Variants in NRAS observed in about 807,000 individuals in gnomAD.
NRAS encodes the protein GTPase NRas.
A neutral mutation model predicts 21.3 loss-of-function variants in NRAS; 6 were observed. The ratio of observed to expected loss-of-function variants is 0.28; its 90% CI spans 0.15 to 0.56. The LOEUF is 0.56. NRAS is among the 20% of genes least tolerant of loss of function. The pLI is 0.93. For missense variants in NRAS, 143 were observed against 231.3 expected (o/e 0.62, Z 2.48); for synonymous variants, 84 against 82.0 (o/e 1.02, Z -0.13).
At position 114,712,943 on chromosome 1, in the gene NRAS, G is replaced by A. The variant is rs9724631; in HGVS notation, c.290+857C>T. On this transcript the variant is annotated intron_variant, in intron 3 of 6. Coordinates refer to ENST00000369535, the MANE Select transcript of NRAS (RefSeq NM_002524.5). The stretch of plus-strand genomic sequence containing the variant: ...TTAAGAACACTGTGCTAAGAAAAAG[G>A]AGCTTTGGGTTTTTGGTCCTGGCTC... Among the ~76,000 whole-genome samples the A allele has an allele frequency of 9.1e-4, 138 of 152,282 alleles. 2 individuals are homozygous for A. In the East Asian group the frequency reaches 0.025, roughly 28 times the overall value.
chr1:114,715,021 T>C (rs1659124354), intron 2 of NRAS, among the ~76,000 whole-genome samples: 1 of 152,186 alleles, frequency 6.6e-6, no homozygotes, highest in African/African-American at 2.4e-5. Context: ...AAACCCTTTA[T>C]TTATTTATCT....
intron 4 of NRAS, among the ~76,000 whole-genome samples, chr1:114,709,179 G>A (rs1259805868): frequency 6.6e-6 from 1 of 152,206 alleles, no homozygotes; most frequent in Non-Finnish European, 1.5e-5. Flanking sequence ...GCTCACACCT[G>A]TAATCCCAGC....
At chr1:114,712,159 G>A (rs934436884) in intron 3 of NRAS, among the ~76,000 whole-genome samples, 1 of 152,144 alleles carries the variant, frequency 6.6e-6, no homozygotes, top group Non-Finnish European at 1.5e-5. Context: ...CCTCTTTGAG[G>A]ATCCATGGGA....
At chr1:114,712,947 T>C (rs1659077723) in intron 3 of NRAS, among the ~76,000 whole-genome samples, 1 of 152,216 alleles carries the variant, frequency 6.6e-6, no homozygotes, top group South Asian at 2.1e-4. Flanking sequence ...AAAAAGGAGC[T>C]TTGGGTTTTT....
intron 3 of NRAS, among the ~76,000 whole-genome samples, chr1:114,712,110 G>C: frequency 6.6e-6 from 1 of 152,266 alleles, no homozygotes; most frequent in Non-Finnish European, 1.5e-5. Context: ...CCTGGACCAT[G>C]TCACTGTCAG....
rs1658951939 is a variant in NRAS, at chr1:114,707,863, T to G, written c.*231A>C. On this transcript the variant is annotated 3_prime_UTR_variant, in exon 7 of 7. Coordinates refer to ENST00000369535, the MANE Select transcript of NRAS (RefSeq NM_002524.5). ...CCCAGGGCAGAAAAATAACAGGGAG[T>G]AACAAGAGGTGCATTCTCTGGTCAG... 1 of 152,566 alleles carries G rather than the reference T, an allele frequency of 6.6e-6. No homozygotes were observed. Among genetic ancestry groups the G allele is most frequent in the Non-Finnish European group, 1.5e-5 (1 of 68,194 alleles). The allele number at this position is 152,566 out of a possible 1,614,324, so 9.5% of individuals were successfully genotyped here. A position where few individuals can be genotyped will look rare whatever the true frequency, so the allele number is the denominator to read the frequency against.
At chr1:114,712,883 C>A (rs9724632) in intron 3 of NRAS, among the ~76,000 whole-genome samples, 115 of 152,332 alleles carry the variant, frequency 7.5e-4, no homozygotes, top group Admixed American at 6.4e-3. Flanking sequence ...TCAATCCAGG[C>A]AGAGTTCTCA....
chr1:114,708,584 C>G lies in NRAS; in HGVS notation c.521G>C (p.Ser174Thr). ...CATACAACCCTGAGTCCCATCATCA[C>G]TGCTGTTGAGTTTTTTCATTCGGTA... ...RQYRMKKLNSSDDGTQGCMGL... is the reference protein window; with the variant it reads ...RQYRMKKLNSTDDGTQGCMGL... Residue 174 changes from serine (S) to threonine (T), a missense_variant, in exon 5 of 7, where the codon AGT (serine) becomes ACT (threonine). Transcript: ENST00000369535. 6.2e-7 allele frequency: 1 copy of G among 1,613,424 alleles called. No individual in the cohort carries two copies. Among genetic ancestry groups the G allele is most frequent in the Non-Finnish European group, 8.5e-7 (1 of 1,179,350 alleles).
chr1:114,710,619 T>C (rs1366195070), intron 3 of NRAS, among the ~76,000 whole-genome samples: 4 of 151,952 alleles, frequency 2.6e-5, no homozygotes, highest in African/African-American at 9.7e-5. Context: ...AAGGAATAAA[T>C]GGCTAGGGCA....
In NRAS at chr1:114,707,273, A is replaced by G. The variant is rs1658938982; in HGVS notation, c.*821T>C. On this transcript the variant is annotated 3_prime_UTR_variant, in exon 7 of 7. Transcript: ENST00000369535. ...GGAAAGCCCCAAAACAGGCCTCTGG[A>G]AAACCAATTTCATACATGTACAAAA... is the stretch of plus-strand genomic sequence containing the variant. The G allele has an allele frequency of 6.6e-6, 1 of 152,552 alleles. No individual in the cohort carries two copies. The highest frequency in any genetic ancestry group is 2.4e-5 in the African/African-American group (1 of 41,470). 9.4% of individuals were successfully genotyped at this position (152,552 alleles called of 1,614,324 possible).
rs932206530 is a variant in NRAS, at chr1:114,707,531, G to C, written c.*563C>G. 6.6e-6 allele frequency: 1 copy of C among 152,590 alleles called. No homozygotes were observed. The highest frequency in any genetic ancestry group is 2.4e-5 in the African/African-American group (1 of 41,426). 9.5% of individuals were successfully genotyped at this position (152,590 alleles called of 1,614,324 possible). On this transcript the variant is annotated 3_prime_UTR_variant, in exon 7 of 7. Transcript: ENST00000369535. ...GACTCAAAATTCAGTATTCATTTTT[G>C]TATTTATGAATCTAGAGCAGATGCC...
intron 2 of NRAS, among the ~76,000 whole-genome samples, chr1:114,714,682 T>G (rs1338447149): frequency 6.6e-6 from 1 of 152,196 alleles, no homozygotes; most frequent in Non-Finnish European, 1.5e-5. Flanking sequence ...TGCTCTATAC[T>G]GTTATCTGGG....
intron 2 of NRAS, among the ~76,000 whole-genome samples, chr1:114,715,492 G>A (rs769292847): frequency 1.3e-5 from 2 of 152,120 alleles, no homozygotes; most frequent in Non-Finnish European, 2.9e-5. Context: ...GTGGTAGGCA[G>A]GACAAGTTTA....
At chr1:114,716,395 C>G (rs1042989008) in intron 1 of NRAS, among the ~76,000 whole-genome samples, 1 of 152,120 alleles carries the variant, frequency 6.6e-6, no homozygotes, top group Non-Finnish European at 1.5e-5. Flanking sequence ...GTCCTTGGGC[C>G]CCGCCCTCAG....
rs1030368523 is a variant in NRAS, at chr1:114,708,522, T to C, written c.*4+9A>G. 2.5e-6 allele frequency: 4 copies of C among 1,613,276 alleles called. No homozygotes were observed. Among genetic ancestry groups the C allele is most frequent in the East Asian group, 2.2e-5 (1 of 44,878 alleles). On this transcript the variant is annotated intron_variant, in intron 5 of 6. Transcript: ENST00000369535. Reference sequence around the variant, plus strand: ...GATTTGTAATTATGCCAAGAAACCATATGCTCACCTTGTTACATCACCACA... The same window carrying C: ...GATTTGTAATTATGCCAAGAAACCACATGCTCACCTTGTTACATCACCACA...
At chr1:114,714,011 G>GT in intron 2 of NRAS, 33 bp from the exon 3 acceptor site, 1 of 727,032 alleles carries the variant, frequency 1.4e-6, no homozygotes, top group Non-Finnish European at 2.3e-6. Flanking sequence ...GGCAGGGAGG[G>GT]AGGGAAGTTC....
At chr1:114,712,458 A>T (rs1367431493) in intron 3 of NRAS, among the ~76,000 whole-genome samples, 1 of 152,254 alleles carries the variant, frequency 6.6e-6, no homozygotes, top group Non-Finnish European at 1.5e-5. Context: ...AGGCATATAG[A>T]AAAATGAATA....
chr1:114,705,650 T>C lies in NRAS; in HGVS notation c.*2444A>G, dbSNP rs1397163172. 1.3e-5 allele frequency: 2 copies of C among 152,228 alleles called. No individual in the cohort carries two copies. Among genetic ancestry groups the C allele is most frequent in the African/African-American group, 4.8e-5 (2 of 41,448 alleles). The allele number at this position is 152,228 out of a possible 1,614,324, so 9.4% of individuals were successfully genotyped here. ...GTAACTTTTTTTTTGGAGACAAGTC[T>C]CTCTTGTCACCCAGGCTGGAGTGCA... On this transcript the variant is annotated 3_prime_UTR_variant, in exon 7 of 7. Coordinates refer to ENST00000369535, the MANE Select transcript of NRAS (RefSeq NM_002524.5).
intron 1 of NRAS, 88 bp from the exon 2 acceptor site, chr1:114,716,265 A>G (rs1326901843): frequency 1.2e-6 from 1 of 826,098 alleles, no homozygotes; most frequent in Non-Finnish European, 2.1e-6. Flanking sequence ...TGAAAACCCT[A>G]GTGTGACCTT....
Sources: allele counts gnomAD v4.1 joint callset (sites outside exome capture counted in the v4.1 genomes callset), GRCh38; gene constraint gnomAD v4.1.1; transcripts MANE v1.5; gene names NCBI Gene and HGNC (gene_info 2026-07-23, HGNC 2026-07-21).